The following DTL variants were observed in gnomAD, a reference collection of about 807,000 sequenced individuals.
DTL encodes denticleless protein homolog.
A neutral mutation model predicts 87.0 loss-of-function variants in DTL; 46 were observed. The observed-to-expected ratio is 0.53, with a 90% CI of 0.42 to 0.68. The LOEUF (loss-of-function observed/expected upper bound fraction) is 0.68. Among genes scored for constraint, DTL ranks in the 30% least tolerant of loss-of-function variants. DTL has a pLI of 0.00. For missense variants in DTL, 737 were observed against 869.4 expected (o/e 0.85, Z 1.91); for synonymous variants, 308 against 311.2 (o/e 0.99, Z 0.11).
chr1:212,039,221 A>G (rs762472101), intron 1 of DTL, among the ~76,000 whole-genome samples: 16 of 152,222 alleles, frequency 1.1e-4, no homozygotes, highest in Non-Finnish European at 1.8e-4. Context: ...TTAAAACAAT[A>G]TAGATTACCA....
In DTL at chr1:212,062,936, G is replaced by A; in HGVS notation, c.513G>A (p.Arg171=). 1 of 1,612,934 alleles carries A rather than the reference G, an allele frequency of 6.2e-7. No individual in the cohort carries two copies. Among genetic ancestry groups the A allele is most frequent in the Non-Finnish European group, 8.5e-7 (1 of 1,179,036 alleles). The change falls in exon 6 of 15, where the codon AGG becomes AGA. Residue 171 remains arginine, a synonymous_variant. Coordinates refer to ENST00000366991, the MANE Select transcript of DTL (RefSeq NM_016448.4). ...RDGNIMVWDT[R]CNKKDGFYRQ... ...GCAACATTATGGTCTGGGATACCAG[G>A]TGCAACAAAAAAGGTTATCTAGATC...
intron 11 of DTL, chr1:212,077,543 A>G (rs1654866341): frequency 2.0e-5 from 3 of 152,876 alleles, no homozygotes; most frequent in African/African-American, 4.8e-5. Flanking sequence ...TATAGTTTAT[A>G]CCCCTTCAGA....
intron 6 of DTL, among the ~76,000 whole-genome samples, chr1:212,063,273 A>AT (rs573387443): frequency 6.6e-6 from 1 of 150,748 alleles, no homozygotes; most frequent in South Asian, 2.1e-4. Context: ...GTTTTTAAGA[A>AT]TTTTTTTTAT....
intron 13 of DTL, among the ~76,000 whole-genome samples, chr1:212,090,209 C>T (rs916710588): frequency 3.3e-5 from 5 of 152,110 alleles, no homozygotes; most frequent in Admixed American, 2.6e-4. Flanking sequence ...TGGTTCTAAA[C>T]ATATGGTTGA....
chr1:212,044,371 G>T (rs1180076162), intron 2 of DTL, among the ~76,000 whole-genome samples: 1 of 152,176 alleles, frequency 6.6e-6, no homozygotes, highest in Non-Finnish European at 1.5e-5. Flanking sequence ...TTGGGAGGCT[G>T]AGGTGGGTGG....
intron 10 of DTL, among the ~76,000 whole-genome samples, chr1:212,069,551 T>TC (rs1654609879): frequency 6.6e-6 from 1 of 151,368 alleles, no homozygotes; most frequent in East Asian, 1.9e-4. Flanking sequence ...GATATAAATT[T>TC]TTTTTTTTTT....
At chr1:212,040,871 A>G (rs994013026) in intron 1 of DTL, among the ~76,000 whole-genome samples, 6 of 152,358 alleles carry the variant, frequency 3.9e-5, no homozygotes, top group Non-Finnish European at 7.3e-5. Flanking sequence ...CACAATTTAA[A>G]ACATGAATTG....
At chr1:212,066,435 C>G (rs1654499209) in intron 7 of DTL, among the ~76,000 whole-genome samples, 1 of 152,132 alleles carries the variant, frequency 6.6e-6, no homozygotes, top group African/African-American at 2.4e-5. Context: ...TTTTGATACT[C>G]CTATATGATA....
At chr1:212,037,966 C>T (rs1667536480) in intron 1 of DTL, among the ~76,000 whole-genome samples, 2 of 152,220 alleles carry the variant, frequency 1.3e-5, no homozygotes, top group Admixed American at 1.3e-4. Context: ...CATTTTCTGA[C>T]ACACTTATTC....
rs1257455587 is a variant in DTL at position 212,042,023 on chromosome 1, GA to G, written c.53-966del. ...GTATTCTCCACATAGTACTTTTGAT[GA>G]AAAGTGAGGATTCAGAGTACCCTAA... On this transcript the variant is annotated intron_variant, in intron 1 of 14. Coordinates refer to ENST00000366991, the MANE Select transcript of DTL (RefSeq NM_016448.4). Among the ~76,000 whole-genome samples the G allele has an allele frequency of 2.0e-5, 3 of 152,272 alleles. No homozygotes were observed. The East Asian group carries it at 5.8e-4, about 29-fold the overall frequency.
chr1:212,067,889 G>T (rs543087364), intron 8 of DTL, among the ~76,000 whole-genome samples: 12 of 152,260 alleles, frequency 7.9e-5, no homozygotes, highest in Admixed American at 5.2e-4. Flanking sequence ...AATATATGCA[G>T]AATATTAAAG....
intron 13 of DTL, among the ~76,000 whole-genome samples, chr1:212,084,391 G>C (rs969755409): frequency 6.6e-6 from 1 of 151,876 alleles, no homozygotes; most frequent in Non-Finnish European, 1.5e-5. Context: ...TCACCATGTT[G>C]GTCAGGCTGG....
intron 5 of DTL, among the ~76,000 whole-genome samples, chr1:212,054,213 C>T (rs78820697): frequency 0.057 from 8,744 of 152,164 alleles, 279 homozygotes; most frequent in Non-Finnish European, 0.073. Flanking sequence ...AGTTTAAACA[C>T]GGAATCATGG....
intron 13 of DTL, among the ~76,000 whole-genome samples, chr1:212,098,651 G>A (rs1655519996): frequency 6.6e-6 from 1 of 152,048 alleles, no homozygotes; most frequent in Non-Finnish European, 1.5e-5. Flanking sequence ...GATTATGGCT[G>A]CCTCTGCTGC....
At position 212,064,818 on chromosome 1, in the gene DTL, A is replaced by G; in HGVS notation, c.527-99A>G. 2 of 956,306 alleles carry G rather than the reference A, an allele frequency of 2.1e-6. 1 individual carries two copies. Among genetic ancestry groups the G allele is most frequent in the South Asian group, 2.8e-5 (2 of 70,514 alleles). The allele number at this position is 956,306 out of a possible 1,614,324, so 59.2% of individuals were successfully genotyped here. ...GCTCTGCTGGCTTCTAATTTCACCA[A>G]CTTGGTCAAAAATTACTTAATATTG... On this transcript the variant is annotated intron_variant, in intron 6 of 14. Coordinates refer to ENST00000366991, the MANE Select transcript of DTL (RefSeq NM_016448.4).
chr1:212,057,258 T>A (rs1291228210), intron 5 of DTL, among the ~76,000 whole-genome samples: 2 of 151,788 alleles, frequency 1.3e-5, no homozygotes, highest in Non-Finnish European at 2.9e-5. Flanking sequence ...AAAAAACATC[T>A]AGTCACCTAT....
chr1:212,085,386 C>T (rs867135153), intron 13 of DTL, among the ~76,000 whole-genome samples: 1 of 152,272 alleles, frequency 6.6e-6, no homozygotes, highest in Middle Eastern at 3.4e-3. Context: ...TTTATATTTT[C>T]CTGATGGCCA....
At chr1:212,070,228 G>A (rs899150068) in intron 10 of DTL, among the ~76,000 whole-genome samples, 2 of 152,230 alleles carry the variant, frequency 1.3e-5, no homozygotes, top group East Asian at 1.9e-4. Context: ...CCAACACTTC[G>A]CTAATAATTT....
intron 5 of DTL, among the ~76,000 whole-genome samples, chr1:212,060,695 A>G (rs1257993890): frequency 5.3e-5 from 8 of 150,426 alleles, no homozygotes; most frequent in African/African-American, 1.7e-4. Flanking sequence ...AGATAGCACC[A>G]CTGCACTCCA....
Sources: allele counts gnomAD v4.1 joint callset (sites outside exome capture counted in the v4.1 genomes callset), GRCh38; gene constraint gnomAD v4.1.1; transcripts MANE v1.5; gene names NCBI Gene and HGNC (gene_info 2026-07-23, HGNC 2026-07-21).